Variants in MAP3K20 observed in about 807,000 individuals in gnomAD.
MAP3K20 encodes HCCS-4.
MAP3K20 carries 40 observed loss-of-function variants against 85.7 expected under a neutral mutation model. The observed-to-expected ratio is 0.47, with a 90% CI of 0.36 to 0.61. The LOEUF (loss-of-function observed/expected upper bound fraction) is 0.61, where lower values mean the gene tolerates loss of function less well. Ranked by LOEUF, MAP3K20 falls within the 20% of genes least tolerant of loss-of-function variation. The pLI is 0.00. For missense variants in MAP3K20, 817 were observed against 961.7 expected, an observed-to-expected ratio of 0.85 and a Z score of 1.99; for synonymous variants, 325 against 327.7, an observed-to-expected ratio of 0.99 and a Z score of 0.09.
intron 14 of MAP3K20, among the ~76,000 whole-genome samples, chr2:173,233,787 T>G (rs974305497): frequency 6.6e-6 from 1 of 152,182 alleles, no homozygotes; most frequent in Non-Finnish European, 1.5e-5. Context: ...ATTCATTTCA[T>G]TCTGTGGACC....
In MAP3K20 at chr2:173,266,146, C is replaced by T. The variant is rs372585282; in HGVS notation, c.1799C>T (p.Pro600Leu). The T allele has an allele frequency of 3.7e-6, 6 of 1,613,762 alleles. No individual in the cohort carries two copies. The highest frequency in any genetic ancestry group is 1.7e-5 in the Admixed American group (1 of 59,956). ...CAGAGCAATCCTATTCTGGGGTCAC[C>T]GTTCTTCTCACACTTTGATGGCCAG... is the stretch of plus-strand genomic sequence containing the variant. ...RSQSNPILGS[P>L]FFSHFDGQDS... Residue 600 changes from proline to leucine, a missense_variant, in exon 20 of 20, where the codon CCG (proline) becomes CTG (leucine). Transcript: ENST00000375213.
chr2:173,265,165 A>C (rs953513423), intron 19 of MAP3K20, among the ~76,000 whole-genome samples: 5 of 152,242 alleles, frequency 3.3e-5, no homozygotes, highest in African/African-American at 7.2e-5. Context: ...GAGGAGACAG[A>C]GACATGTGCA....
intron 8 of MAP3K20, among the ~76,000 whole-genome samples, chr2:173,200,840 C>T (rs12990553): frequency 0.29 from 43,964 of 152,016 alleles, 7,949 homozygotes; most frequent in Non-Finnish European, 0.41. Flanking sequence ...CCATATTGGC[C>T]AGGCTGGTCT....
intron 4 of MAP3K20, among the ~76,000 whole-genome samples, chr2:173,186,560 A>G (rs1690491190): frequency 6.6e-6 from 1 of 151,970 alleles, no homozygotes; most frequent in Non-Finnish European, 1.5e-5. Flanking sequence ...AGAAGAATAA[A>G]GATTTAAAAA....
At chr2:173,218,273 T>C (rs1049991232) in intron 11 of MAP3K20, among the ~76,000 whole-genome samples, 1 of 152,192 alleles carries the variant, frequency 6.6e-6, no homozygotes, top group Non-Finnish European at 1.5e-5. Flanking sequence ...GTTTGTCTCC[T>C]TCCCAACTTG....
intron 16 of MAP3K20, among the ~76,000 whole-genome samples, chr2:173,251,364 C>T (rs148112098): frequency 6.6e-6 from 1 of 152,190 alleles, no homozygotes; most frequent in African/African-American, 2.4e-5. Context: ...GAAAATTAAC[C>T]TCTCAGCTTA....
At chr2:173,121,904 T>A (rs1459181581) in intron 2 of MAP3K20, among the ~76,000 whole-genome samples, 1 of 152,178 alleles carries the variant, frequency 6.6e-6, no homozygotes, top group Non-Finnish European at 1.5e-5. Flanking sequence ...GTCTCCATCC[T>A]TGCCATCATG....
In MAP3K20 at chr2:173,203,022, T is replaced by C. The variant is rs1018854544; in HGVS notation, c.670-774T>C. Among the ~76,000 whole-genome samples the C allele has an allele frequency of 7.2e-5, 11 of 152,212 alleles. No individual in the cohort carries two copies. In the East Asian group the frequency reaches 1.3e-3, roughly 19 times the overall value. On this transcript the variant is annotated intron_variant, in intron 8 of 19. Transcript: ENST00000375213. Reference sequence around the variant, plus strand: ...ACTTACATGAATGTAAATGGGGCATTTGAAATTTTGTGGGATACAGGGGAG... The same window carrying C: ...ACTTACATGAATGTAAATGGGGCATCTGAAATTTTGTGGGATACAGGGGAG...
At chr2:173,229,422 T>G (rs2106329032) in intron 11 of MAP3K20, among the ~76,000 whole-genome samples, 1 of 152,306 alleles carries the variant, frequency 6.6e-6, no homozygotes, top group Non-Finnish European at 1.5e-5. Context: ...GAGGCTTGAT[T>G]GTGGGATGTA....
At chr2:173,262,378 T>A (rs1685317395) in intron 18 of MAP3K20, among the ~76,000 whole-genome samples, 1 of 152,138 alleles carries the variant, frequency 6.6e-6, no homozygotes, top group Non-Finnish European at 1.5e-5. Flanking sequence ...GGCGGGTGGA[T>A]CACCTGAGGT....
In MAP3K20 at chr2:173,179,162, G is replaced by A. The variant is rs895687404; in HGVS notation, c.248-3692G>A. Reference sequence around the variant, plus strand: ...TAATCCCAGCACTTTGGGAGGCCGAGGTGGGCGGATCACAAGGTCAGGAGA... The same window carrying A: ...TAATCCCAGCACTTTGGGAGGCCGAAGTGGGCGGATCACAAGGTCAGGAGA... On this transcript the variant is annotated intron_variant, in intron 3 of 19. Coordinates refer to ENST00000375213, the MANE Select transcript of MAP3K20 (RefSeq NM_016653.3). Among the ~76,000 whole-genome samples the A allele has an allele frequency of 3.5e-4, 54 of 152,212 alleles. 1 individual carries two copies. Among genetic ancestry groups the A allele is most frequent in the Non-Finnish European group, 3.7e-4 (25 of 67,992 alleles).
intron 16 of MAP3K20, among the ~76,000 whole-genome samples, chr2:173,258,412 G>C (rs1415662526): frequency 6.6e-6 from 1 of 151,954 alleles, no homozygotes; most frequent in East Asian, 1.9e-4. Flanking sequence ...GAAACTGCCT[G>C]GTTTTACTCC....
At chr2:173,129,680 A>C (rs192153590) in intron 2 of MAP3K20, among the ~76,000 whole-genome samples, 81 of 152,324 alleles carry the variant, frequency 5.3e-4, no homozygotes, top group African/African-American at 1.4e-3. Context: ...TTGTGCTTTC[A>C]TAAGTGCTTT....
At chr2:173,106,179 G>T (rs1027291568) in intron 2 of MAP3K20, among the ~76,000 whole-genome samples, 13 of 152,106 alleles carry the variant, frequency 8.5e-5, no homozygotes, top group African/African-American at 2.9e-4. Flanking sequence ...TAAATTTTTT[G>T]TAGAAATTGA....
Position 173,106,262 on chromosome 2 carries a change from G to A in MAP3K20, c.159+15072G>A, listed in dbSNP as rs1687780721. ...AAAAATGAAAACTAACAGTAATGAT[G>A]GAGAACTTGTACTACAAACTTATTT... On this transcript the variant is annotated intron_variant, in intron 2 of 19. Transcript: ENST00000375213. Among the ~76,000 whole-genome samples, 3 of 152,162 alleles carry A rather than the reference G, an allele frequency of 2.0e-5. No individual in the cohort carries two copies. The South Asian group carries it at 6.2e-4, about 31-fold the overall frequency.
chr2:173,176,746 A>G (rs1690171936), intron 3 of MAP3K20, among the ~76,000 whole-genome samples: 1 of 152,202 alleles, frequency 6.6e-6, no homozygotes, highest in Non-Finnish European at 1.5e-5. Context: ...CAAAAGGCAG[A>G]GATTGTCAGA....
intron 2 of MAP3K20, among the ~76,000 whole-genome samples, chr2:173,149,047 T>C (rs1689219811): frequency 6.6e-6 from 1 of 152,250 alleles, no homozygotes; most frequent in South Asian, 2.1e-4. Context: ...ACATCTGTTG[T>C]AGACGTATAG....
At chr2:173,085,007 A>G (rs544978548) in intron 1 of MAP3K20, among the ~76,000 whole-genome samples, 15 of 152,220 alleles carry the variant, frequency 9.9e-5, no homozygotes, top group South Asian at 4.1e-4. Flanking sequence ...AGATGTATCA[A>G]TGAAGTCAAA....
chr2:173,226,780 T>C (rs1300008844), intron 11 of MAP3K20: 1 of 985,166 alleles, frequency 1.0e-6, no homozygotes, highest in East Asian at 1.1e-4. Flanking sequence ...TTTGCACTCT[T>C]AAAATTTTTG....
Sources: gnomAD v4.1 joint callset for allele counts (sites outside exome capture counted in the v4.1 genomes callset) on GRCh38, gnomAD v4.1.1 for gene constraint, MANE v1.5 for transcripts, NCBI Gene and HGNC (gene_info 2026-07-23, HGNC 2026-07-21) for gene names.